The following VAMP3 variants were observed in gnomAD, a reference collection of about 807,000 sequenced individuals.
The protein encoded by VAMP3 is vesicle-associated membrane protein 3.
In VAMP3, 11 loss-of-function variants were observed where a neutral mutation model predicts 18.1. The observed-to-expected ratio is 0.61, with a 90% CI of 0.38 to 1.00. The LOEUF (loss-of-function observed/expected upper bound fraction) is 1.00, where lower values mean the gene tolerates loss of function less well. Ranked by LOEUF, VAMP3 falls within the 50% of genes least tolerant of loss-of-function variation. The probability of loss-of-function intolerance (pLI) is 0.01; values close to 1 mark genes in which losing one functional copy is unlikely to be tolerated. For missense variants in VAMP3, 122 were observed against 127.3 expected (o/e 0.96, Z 0.20); for synonymous variants, 49 against 43.1 (o/e 1.14, Z -0.53).
At chr1:7,774,873 A>G (rs953728201) in intron 2 of VAMP3, among the ~76,000 whole-genome samples, 1 of 152,230 alleles carries the variant, frequency 6.6e-6, no homozygotes, top group Non-Finnish European at 1.5e-5. Flanking sequence ...TATTCACAGG[A>G]AAGATTTTGT....
chr1:7,778,125 C>T lies in VAMP3; in HGVS notation c.239C>T (p.Ala80Val). 6.2e-7 allele frequency: 1 copy of T among 1,614,128 alleles called. No homozygotes were observed. The highest frequency in any genetic ancestry group is 8.5e-7 in the Non-Finnish European group (1 of 1,180,030). Residue 80 changes from alanine (A) to valine (V), a missense_variant, in exon 4 of 5, where the codon GCA becomes GTA. Physicochemically the swap from Ala to Val is moderately conservative, Grantham distance 64. Coordinates refer to ENST00000054666, the MANE Select transcript of VAMP3 (RefSeq NM_004781.4). The part of the protein sequence containing the change: ...KYWWKNCKMW[A>V]IGITVLVIFI... ...ACATATGTTTTGTTACAGATGTGGG[C>T]AATCGGGATTACTGTTCTGGTTATC... is the stretch of plus-strand genomic sequence containing the variant.
chr1:7,772,032 C>G (rs2097051360), intron 1 of VAMP3, among the ~76,000 whole-genome samples: 1 of 152,184 alleles, frequency 6.6e-6, no homozygotes, highest in Admixed American at 6.5e-5. Context: ...AGCTGGGGAC[C>G]CCCCTCGAAT....
Position 7,771,306 on chromosome 1 carries a change from T to G in VAMP3, c.-78T>G, listed in dbSNP as rs1406983201. On this transcript the variant is annotated 5_prime_UTR_variant, in exon 1 of 5. Transcript: ENST00000054666. The stretch of plus-strand genomic sequence containing the variant: ...GCCCCGCGCCGCGCCGTCCCACCCA[T>G]CTCCCTGGCCTCCGGTCCCAACTTC... 1.3e-6 allele frequency: 2 copies of G among 1,521,402 alleles called. No homozygotes were observed. 94.2% of individuals were successfully genotyped at this position (1,521,402 alleles called of 1,614,324 possible).
chr1:7,774,539 G>A (rs965396247), intron 2 of VAMP3, among the ~76,000 whole-genome samples: 1 of 152,020 alleles, frequency 6.6e-6, no homozygotes, highest in South Asian at 2.1e-4. Context: ...AACACCTCAT[G>A]CCCATTTAGT....
intron 4 of VAMP3, among the ~76,000 whole-genome samples, chr1:7,779,249 T>C (rs965351816): frequency 1.3e-5 from 2 of 152,090 alleles, no homozygotes; most frequent in African/African-American, 2.4e-5. Context: ...GCCTGGCATA[T>C]AATAATAAAA....
intron 3 of VAMP3, 117 bp downstream of exon 3, chr1:7,777,435 A>G (rs1434076909): frequency 7.6e-6 from 10 of 1,315,632 alleles, no homozygotes; most frequent in East Asian, 2.5e-5. Context: ...CTTCCTCCAC[A>G]TGGAAATGTG....
Position 7,781,347 on chromosome 1 carries a change from A to G in VAMP3, c.*1702A>G, listed in dbSNP as rs1470064926. ...CATGTAACCCACTGGCTCCTGCATTAACCCAGAAATACCTCGCTTCTATCT... is the reference window on the plus strand; with the variant it reads ...CATGTAACCCACTGGCTCCTGCATTGACCCAGAAATACCTCGCTTCTATCT... On this transcript the variant is annotated 3_prime_UTR_variant, in exon 5 of 5. Coordinates refer to ENST00000054666, the MANE Select transcript of VAMP3 (RefSeq NM_004781.4). The G allele has an allele frequency of 6.5e-6, 1 of 152,852 alleles. No individual in the cohort carries two copies. The highest frequency in any genetic ancestry group is 1.5e-5 in the Non-Finnish European group (1 of 68,160). 9.5% of individuals were successfully genotyped at this position (152,852 alleles called of 1,614,324 possible). A position where few individuals can be genotyped will look rare whatever the true frequency, so the allele number is the denominator to read the frequency against.
intron 2 of VAMP3, 124 bp downstream of exon 2, chr1:7,773,635 C>T (rs1054913482): frequency 2.7e-5 from 25 of 920,140 alleles, no homozygotes; most frequent in South Asian, 2.2e-4. Flanking sequence ...ATAATTGTAA[C>T]GAAACTTTGC....
intron 2 of VAMP3, chr1:7,776,816 AT>A (rs34299418): frequency 0.55 from 92,489 of 166,760 alleles, 26,190 homozygotes; most frequent in Admixed American, 0.63. Context: ...CTGTGCCTCC[AT>A]TTTTTTTGAG....
In VAMP3 at chr1:7,771,304, C is replaced by T. The variant is rs1007004508; in HGVS notation, c.-80C>T. The T allele has an allele frequency of 6.4e-7, 1 of 1,563,058 alleles. No homozygotes were observed. The highest frequency in any genetic ancestry group is 1.1e-5 in the South Asian group (1 of 87,462). ...TTGCCCCGCGCCGCGCCGTCCCACC[C>T]ATCTCCCTGGCCTCCGGTCCCAACT... On this transcript the variant is annotated 5_prime_UTR_variant, in exon 1 of 5. Coordinates refer to ENST00000054666, the MANE Select transcript of VAMP3 (RefSeq NM_004781.4).
Position 7,778,203 on chromosome 1 carries a change from T to G in VAMP3, c.283+34T>G, listed in dbSNP as rs75457749. On this transcript the variant is annotated intron_variant, in intron 4 of 4. Coordinates refer to ENST00000054666, the MANE Select transcript of VAMP3 (RefSeq NM_004781.4). ...CCCTTTTCTAAACTGATTGGAAAAG[T>G]CTTCTCCATGTGTTCACAGACCATT... 2.5e-6 allele frequency: 4 copies of G among 1,606,784 alleles called. 1 individual carries two copies. In the South Asian group the frequency reaches 4.4e-5, roughly 18 times the overall value.
chr1:7,774,406 C>T (rs562304119), intron 2 of VAMP3, among the ~76,000 whole-genome samples: 4 of 151,936 alleles, frequency 2.6e-5, no homozygotes, highest in South Asian at 2.1e-4. Flanking sequence ...TTTATTGAGG[C>T]AAAATTACCA....
In VAMP3 at chr1:7,780,709, A is replaced by G. The variant is rs66781032; in HGVS notation, c.*1064A>G. 16,216 of 152,384 alleles carry G rather than the reference A, an allele frequency of 0.11. 1,270 individuals carry two copies. The highest frequency in any genetic ancestry group is 0.15 in the Non-Finnish European group (10,469 of 67,980). 9.4% of individuals were successfully genotyped at this position (152,384 alleles called of 1,614,324 possible). ...TCTGGCCCAAATATGAAGATAAACT[A>G]TAACTTTGGAGTTTGTTTCCTATTT... On this transcript the variant is annotated 3_prime_UTR_variant, in exon 5 of 5. Coordinates refer to ENST00000054666, the MANE Select transcript of VAMP3 (RefSeq NM_004781.4).
At chr1:7,775,471 C>G (rs2097053883) in intron 2 of VAMP3, among the ~76,000 whole-genome samples, 1 of 152,160 alleles carries the variant, frequency 6.6e-6, no homozygotes, top group Non-Finnish European at 1.5e-5. Flanking sequence ...CCTCAGCCCC[C>G]AGAGTAGCTG....
chr1:7,773,601 T>C, intron 2 of VAMP3, 90 bp downstream of exon 2: 6 of 1,254,938 alleles, frequency 4.8e-6, no homozygotes, highest in Non-Finnish European at 6.8e-6. Context: ...AAAGTGTGAA[T>C]GTAAAGCAAA....
intron 1 of VAMP3, among the ~76,000 whole-genome samples, chr1:7,771,994 T>A (rs952634614): frequency 2.0e-5 from 3 of 152,206 alleles, no homozygotes; most frequent in African/African-American, 7.2e-5. Context: ...TTGCTCACCG[T>A]CGGAGGAAGC....
rs2097050215 is a variant in VAMP3 at position 7,771,308 on chromosome 1, T to A, written c.-76T>A. The A allele has an allele frequency of 6.4e-7, 1 of 1,557,876 alleles. No individual in the cohort carries two copies. The highest frequency in any genetic ancestry group is 1.4e-5 in the African/African-American group (1 of 71,676). ...CCCGCGCCGCGCCGTCCCACCCATCTCCCTGGCCTCCGGTCCCAACTTCGC... is the reference window on the plus strand; with the variant it reads ...CCCGCGCCGCGCCGTCCCACCCATCACCCTGGCCTCCGGTCCCAACTTCGC... On this transcript the variant is annotated 5_prime_UTR_variant, in exon 1 of 5. Coordinates refer to ENST00000054666, the MANE Select transcript of VAMP3 (RefSeq NM_004781.4).
At chr1:7,779,202 T>A (rs2097055849) in intron 4 of VAMP3, among the ~76,000 whole-genome samples, 1 of 151,752 alleles carries the variant, frequency 6.6e-6, no homozygotes, top group African/African-American at 2.4e-5. Flanking sequence ...CTCAAAAAAA[T>A]AAATAAATAA....
At chr1:7,777,050 A>G in intron 2 of VAMP3, 110 bp from the exon 3 acceptor site, 3 of 1,280,110 alleles carry the variant, frequency 2.3e-6, no homozygotes, top group South Asian at 3.5e-5. Context: ...ACCACAGGTG[A>G]TCCACCCACC....
Sources: gnomAD v4.1 joint callset for allele counts (sites outside exome capture counted in the v4.1 genomes callset) on GRCh38, gnomAD v4.1.1 for gene constraint, MANE v1.5 for transcripts, NCBI Gene and HGNC (gene_info 2026-07-23, HGNC 2026-07-21) for gene names.